The following ANKEF1 variants were observed in gnomAD, a reference collection of about 807,000 sequenced individuals.
ANKEF1 encodes the protein ankyrin repeat and EF-hand domain-containing protein 1.
A neutral mutation model predicts 65.1 loss-of-function variants in ANKEF1; 43 were observed. The ratio of observed to expected loss-of-function variants is 0.66; its 90% CI spans 0.52 to 0.85. ANKEF1 has a LOEUF of 0.85. Ranked by LOEUF, ANKEF1 falls within the 40% of genes least tolerant of loss-of-function variation. ANKEF1 has a pLI of 0.00. For synonymous variants in ANKEF1, 316 were observed against 341.5 expected (o/e 0.93, Z 0.82); for missense variants, 934 against 952.9 (o/e 0.98, Z 0.26).
chr20:10,038,487 T>C lies in ANKEF1; in HGVS notation c.186T>C (p.Asp62=). The C allele has an allele frequency of 6.2e-7, 1 of 1,614,218 alleles. No homozygotes were observed. Among genetic ancestry groups the C allele is most frequent in the Non-Finnish European group, 8.5e-7 (1 of 1,180,032 alleles). ...TAGCCTCAGTTTCCAATGATATTGA[T>C]ATGGTCAGCTTTCTCCTTGACCTTG... The part of the protein sequence containing the change: ...LHLASVSNDI[D]MVSFLLDLGA... The change falls in exon 3 of 11, where the codon GAT becomes GAC. Residue 62 remains aspartate (D), a synonymous_variant. Transcript: ENST00000378392.
chr20:10,038,383 A>G lies in ANKEF1; in HGVS notation c.82A>G (p.Ile28Val). 1 of 1,613,846 alleles carries G rather than the reference A, an allele frequency of 6.2e-7. No individual in the cohort carries two copies. The highest frequency in any genetic ancestry group is 1.1e-5 in the South Asian group (1 of 91,044). The change falls in exon 3 of 11, where the codon ATA (isoleucine) becomes GTA (valine). Residue 28 changes from isoleucine to valine, a missense_variant. By Grantham distance (29) the Ile-to-Val change is conservative. Coordinates refer to ENST00000378392, the MANE Select transcript of ANKEF1 (RefSeq NM_022096.6). ...TGTGCGGAACAAAGACAAGAAGCAG[A>G]TAGAGAAGCTGACCAAGCTTGGATA... ...QCVRNKDKKQ[I>V]EKLTKLGYPE...
In ANKEF1 at chr20:10,044,469, G is replaced by C; in HGVS notation, c.622G>C (p.Gly208Arg). Residue 208 changes from glycine (G) to arginine (R), a missense_variant, in exon 5 of 11, where the codon GGA becomes CGA. Gly to Arg is a moderately radical substitution (Grantham distance 125). Coordinates refer to ENST00000378392, the MANE Select transcript of ANKEF1 (RefSeq NM_022096.6). ...AATAGTTCGAGGCATATTGGAAAGA[G>C]GAGGTGAAGTGAATGCATTTGACAA... is the stretch of plus-strand genomic sequence containing the variant. Reference protein sequence around the residue: ...VEIVRGILERGGEVNAFDNDR... With the variant: ...VEIVRGILERRGEVNAFDNDR... 1 of 1,614,100 alleles carries C rather than the reference G, an allele frequency of 6.2e-7. No homozygotes were observed. The highest frequency in any genetic ancestry group is 2.2e-5 in the East Asian group (1 of 44,870).
intron 3 of ANKEF1, among the ~76,000 whole-genome samples, chr20:10,041,289 T>C (rs1225806021): frequency 6.6e-6 from 1 of 151,372 alleles, no homozygotes; most frequent in Admixed American, 6.6e-5. Context: ...TTAGTTATTT[T>C]AGTTTTTTTA....
rs991854964 is a variant in ANKEF1 at position 10,056,431 on chromosome 20, A to C, written c.*771A>C. On this transcript the variant is annotated 3_prime_UTR_variant, in exon 11 of 11. Transcript: ENST00000378392. ...CAACCTGACAGCTAGGTATCTAGCTAGCTAGAAAGGCAGATAGACAGATAT... is the reference window on the plus strand; with the variant it reads ...CAACCTGACAGCTAGGTATCTAGCTCGCTAGAAAGGCAGATAGACAGATAT... 1 of 151,144 alleles carries C rather than the reference A, an allele frequency of 6.6e-6. No individual in the cohort carries two copies. Among genetic ancestry groups the C allele is most frequent in the Non-Finnish European group, 1.5e-5 (1 of 67,770 alleles). The allele number at this position is 151,144 out of a possible 1,614,324, so 9.4% of individuals were successfully genotyped here.
Position 10,056,906 on chromosome 20 carries a change from C to G in ANKEF1, c.*1246C>G, listed in dbSNP as rs1160033516. The G allele has an allele frequency of 6.6e-6, 1 of 152,090 alleles. No individual in the cohort carries two copies. The highest frequency in any genetic ancestry group is 2.4e-5 in the African/African-American group (1 of 41,420). 9.4% of individuals were successfully genotyped at this position (152,090 alleles called of 1,614,324 possible). On this transcript the variant is annotated 3_prime_UTR_variant, in exon 11 of 11. Transcript: ENST00000378392. ...GTACACAATTCCTTCACCACAACAC[C>G]TAAGATTAGTATTTGATTGAGTTAC...
At position 10,044,338 on chromosome 20, in the gene ANKEF1, G is replaced by A. The variant is rs1600514480; in HGVS notation, c.547-56G>A. On this transcript the variant is annotated intron_variant, in intron 4 of 10. Coordinates refer to ENST00000378392, the MANE Select transcript of ANKEF1 (RefSeq NM_022096.6). Reference sequence around the variant, plus strand: ...TTCAGACTGTATTTGTACTGATTCTGCTACTTAATATGATGGGTATAAACA... The same window carrying A: ...TTCAGACTGTATTTGTACTGATTCTACTACTTAATATGATGGGTATAAACA... The A allele has an allele frequency of 4.4e-6, 7 of 1,574,776 alleles. No homozygotes were observed. In the East Asian group the frequency reaches 1.1e-4, roughly 25 times the overall value.
Position 10,035,329 on chromosome 20 carries a change from A to G in ANKEF1, c.-113A>G, listed in dbSNP as rs746218143. The stretch of plus-strand genomic sequence containing the variant: ...CTGGCTTCTGATCGCCCGGAAGACT[A>G]AGAGGTGAGCATGACACATGGCTTT... On this transcript the variant is annotated 5_prime_UTR_variant, in exon 1 of 11. Transcript: ENST00000378392. The G allele has an allele frequency of 5.3e-5, 8 of 152,370 alleles. No individual in the cohort carries two copies. The highest frequency in any genetic ancestry group is 8.8e-5 in the Non-Finnish European group (6 of 68,168). 9.4% of individuals were successfully genotyped at this position (152,370 alleles called of 1,614,324 possible). A position where few individuals can be genotyped will look rare whatever the true frequency, so the allele number is the denominator to read the frequency against.
intron 2 of ANKEF1, among the ~76,000 whole-genome samples, chr20:10,036,375 A>G (rs1983857934): frequency 6.7e-6 from 1 of 149,952 alleles, no homozygotes. Context: ...TGACACATAT[A>G]CATATGCAGT....
chr20:10,048,010 C>T (rs1025399071), intron 6 of ANKEF1, among the ~76,000 whole-genome samples: 3 of 152,162 alleles, frequency 2.0e-5, no homozygotes, highest in African/African-American at 4.8e-5. Flanking sequence ...ACCCCCCAGA[C>T]ACCCTGAGTA....
chr20:10,054,561 T>C lies in ANKEF1; in HGVS notation c.2134T>C (p.Tyr712His), dbSNP rs751744735. 1 of 1,609,968 alleles carries C rather than the reference T, an allele frequency of 6.2e-7. No individual in the cohort carries two copies. The highest frequency in any genetic ancestry group is 1.1e-5 in the South Asian group (1 of 90,080). The stretch of plus-strand genomic sequence containing the variant: ...TCTGAATTCATTGATTACCAGTGGT[T>C]ATACTAAGAAAGTGGATATCACATT... ...VHLNSLITSG[Y>H]TKKVDITFIP... Residue 712 changes from tyrosine (Y) to histidine (H), a missense_variant, in exon 10 of 11, where the codon TAT (tyrosine) becomes CAT (histidine). By Grantham distance (83) the Tyr-to-His change is moderately conservative. Coordinates refer to ENST00000378392, the MANE Select transcript of ANKEF1 (RefSeq NM_022096.6).
intron 8 of ANKEF1, among the ~76,000 whole-genome samples, chr20:10,052,409 A>G (rs1984915445): frequency 6.6e-6 from 1 of 152,188 alleles, no homozygotes; most frequent in Non-Finnish European, 1.5e-5. Context: ...TGGACAAAGC[A>G]ATTCCTGAAT....
chr20:10,042,992 G>T, intron 3 of ANKEF1, 130 bp from the exon 4 acceptor site: 1 of 822,112 alleles, frequency 1.2e-6, no homozygotes, highest in Non-Finnish European at 1.9e-6. Context: ...TGTTTTAGTT[G>T]GTTTCAGAGA....
intron 2 of ANKEF1, among the ~76,000 whole-genome samples, chr20:10,036,545 T>C (rs574878778): frequency 6.6e-6 from 1 of 152,262 alleles, no homozygotes; most frequent in South Asian, 2.1e-4. Flanking sequence ...TATAAACAGA[T>C]TAAAAGGCAA....
chr20:10,049,995 C>A lies in ANKEF1; in HGVS notation c.1426C>A (p.His476Asn). Reference protein sequence around the residue: ...SRFNRDHPPEHPIQDDSVWYI... With the variant: ...SRFNRDHPPENPIQDDSVWYI... ...GTTTAATAGAGATCATCCCCCAGAA[C>A]ATCCCATTCAGGATGACTCTGTTTG... Residue 476 changes from histidine to asparagine, a missense_variant, in exon 7 of 11, where the codon CAT (histidine) becomes AAT (asparagine). Coordinates refer to ENST00000378392, the MANE Select transcript of ANKEF1 (RefSeq NM_022096.6). 6.2e-7 allele frequency: 1 copy of A among 1,614,178 alleles called. No individual in the cohort carries two copies. Among genetic ancestry groups the A allele is most frequent in the East Asian group, 2.2e-5 (1 of 44,882 alleles).
intron 7 of ANKEF1, 133 bp from the exon 8 acceptor site, chr20:10,051,530 T>G (rs1219532877): frequency 3.0e-6 from 2 of 673,428 alleles, no homozygotes; most frequent in Non-Finnish European, 4.9e-6. Flanking sequence ...ACAAAGAGGT[T>G]TGAAGAAAAA....
intron 3 of ANKEF1, among the ~76,000 whole-genome samples, chr20:10,039,751 A>G (rs1984063339): frequency 6.6e-6 from 1 of 152,290 alleles, no homozygotes; most frequent in South Asian, 2.1e-4. Flanking sequence ...AATTGGTTCC[A>G]CGGTCGCATT....
chr20:10,054,424 A>G (rs751644331), intron 9 of ANKEF1, 38 bp from the exon 10 acceptor site: 43 of 1,482,266 alleles, frequency 2.9e-5, no homozygotes, highest in African/African-American at 4.4e-5. Flanking sequence ...ATCAGTATAG[A>G]TTTTTACAAT....
chr20:10,054,866 T>C (rs1383790055), intron 10 of ANKEF1, among the ~76,000 whole-genome samples: 1 of 152,204 alleles, frequency 6.6e-6, no homozygotes, highest in Non-Finnish European at 1.5e-5. Context: ...ATCAATGGCA[T>C]GATCTGCAGC....
At chr20:10,048,247 A>T (rs1984633937) in intron 6 of ANKEF1, among the ~76,000 whole-genome samples, 1 of 150,296 alleles carries the variant, frequency 6.7e-6, no homozygotes, top group Non-Finnish European at 1.5e-5. Flanking sequence ...GTGTTTGTGT[A>T]GTAAAATAGA....
Sources: allele counts gnomAD v4.1 joint callset (sites outside exome capture counted in the v4.1 genomes callset), GRCh38; gene constraint gnomAD v4.1.1; transcripts MANE v1.5; gene names NCBI Gene and HGNC (gene_info 2026-07-23, HGNC 2026-07-21).